Variants in GRIK4 observed in about 807,000 individuals in gnomAD.
GRIK4 encodes the protein glutamate ionotropic receptor kainate type subunit 4.
Under a neutral mutation model 104.9 loss-of-function variants are expected in GRIK4, and 40 were observed. That is an observed-to-expected ratio of 0.38 (90% CI 0.30 to 0.50). The LOEUF (loss-of-function observed/expected upper bound fraction) is 0.50, where lower values mean the gene tolerates loss of function less well. Among genes scored for constraint, GRIK4 ranks in the 20% least tolerant of loss-of-function variants. The pLI is 0.93. For missense variants in GRIK4, 1,047 were observed against 1,308.1 expected, an observed-to-expected ratio of 0.80 and a Z score of 3.08; for synonymous variants, 485 against 524.9, an observed-to-expected ratio of 0.92 and a Z score of 1.04.
At chr11:120,955,808 T>G (rs1236376212) in intron 15 of GRIK4, among the ~76,000 whole-genome samples, 54 of 145,994 alleles carry the variant, frequency 3.7e-4, no homozygotes, top group Admixed American at 3.7e-3. Context: ...AGCAGCAGCA[T>G]TCTTTTTTTT....
At chr11:120,749,814 G>T (rs1265957395) in intron 3 of GRIK4, among the ~76,000 whole-genome samples, 1 of 152,128 alleles carries the variant, frequency 6.6e-6, no homozygotes, top group African/African-American at 2.4e-5. Context: ...GCGGTGGGCG[G>T]GGGGAAGTTT....
At chr11:120,823,881 C>A (rs1301096651) in intron 6 of GRIK4, among the ~76,000 whole-genome samples, 1 of 152,184 alleles carries the variant, frequency 6.6e-6, no homozygotes, top group African/African-American at 2.4e-5. Flanking sequence ...GGACTCCAGT[C>A]CCCACCCTCC....
In GRIK4 at chr11:120,940,690, G is replaced by A. The variant is rs2134643720; in HGVS notation, c.1590+230G>A. ...AAAATTACTTCTGCCTCTCTGAATA[G>A]CGATGACCAAGAATGGTCATTCAAT... On this transcript the variant is annotated intron_variant, in intron 14 of 20. Transcript: ENST00000527524. The surrounding 1 kb of genome is among the most constrained non-coding windows in gnomAD (Gnocchi z 4.3). 6.6e-6 allele frequency among the ~76,000 whole-genome samples: 1 copy of A among 152,278 alleles called. No homozygotes were observed.
intron 18 of GRIK4, among the ~76,000 whole-genome samples, chr11:120,966,388 G>T (rs1316316318): frequency 2.0e-5 from 3 of 152,182 alleles, no homozygotes; most frequent in African/African-American, 7.2e-5. Flanking sequence ...ATTTATTTTT[G>T]AAACGGAGTC....
intron 3 of GRIK4, among the ~76,000 whole-genome samples, chr11:120,794,288 C>T (rs911039645): frequency 8.6e-5 from 12 of 139,494 alleles, no homozygotes; most frequent in African/African-American, 3.0e-4. Context: ...GAGAGCCAGG[C>T]GATGGTTGGA....
At chr11:120,789,234 G>A (rs1032377132) in intron 3 of GRIK4, among the ~76,000 whole-genome samples, 5 of 152,046 alleles carry the variant, frequency 3.3e-5, no homozygotes, top group East Asian at 3.9e-4. Flanking sequence ...AGTGCGCCCC[G>A]AACTTAATAA....
At chr11:120,954,817 ACACACACACACACAAAC>A (rs1944099781) in intron 15 of GRIK4, among the ~76,000 whole-genome samples, 1 of 79,550 alleles carries the variant, frequency 1.3e-5, no homozygotes, top group African/African-American at 7.1e-5. Context: ...ACACACACAC[ACACACACACACACAAAC>A]AATACTGGAG....
At chr11:120,894,317 C>G (rs962121589) in intron 11 of GRIK4, 1 of 152,166 alleles carries the variant, frequency 6.6e-6, no homozygotes, top group African/African-American at 2.4e-5. Context: ...GGTAACTTAC[C>G]CAAGTTCACG....
intron 1 of GRIK4, among the ~76,000 whole-genome samples, chr11:120,592,393 C>T (rs1474970811): frequency 6.6e-6 from 1 of 152,148 alleles, no homozygotes; most frequent in East Asian, 1.9e-4. Flanking sequence ...CGTGATTGTA[C>T]CTGTTTTTCT....
chr11:120,622,921 G>A (rs1351572382), intron 1 of GRIK4, among the ~76,000 whole-genome samples: 1 of 152,186 alleles, frequency 6.6e-6, no homozygotes, highest in African/African-American at 2.4e-5. Flanking sequence ...CTCCTCTCAG[G>A]ATCCTTTGAC....
chr11:120,976,923 T>C (rs1387083930), intron 19 of GRIK4, among the ~76,000 whole-genome samples: 1 of 152,140 alleles, frequency 6.6e-6, no homozygotes, highest in African/African-American at 2.4e-5. Context: ...AGGACATGAG[T>C]GTACCTGAAT....
chr11:120,732,365 C>G (rs761901236), intron 3 of GRIK4, among the ~76,000 whole-genome samples: 20 of 152,136 alleles, frequency 1.3e-4, no homozygotes, highest in Non-Finnish European at 2.1e-4. Context: ...TAACTCCTGA[C>G]CTTGTGATCT....
intron 6 of GRIK4, among the ~76,000 whole-genome samples, chr11:120,821,263 G>C (rs1447257974): frequency 6.6e-6 from 1 of 152,250 alleles, no homozygotes; most frequent in Non-Finnish European, 1.5e-5. Context: ...CAGGGTGCTA[G>C]ATAGGCTTTG....
intron 13 of GRIK4, among the ~76,000 whole-genome samples, chr11:120,933,985 A>G (rs957414988): frequency 6.6e-6 from 1 of 152,114 alleles, no homozygotes; most frequent in Non-Finnish European, 1.5e-5. Context: ...CGGGTGGATC[A>G]CGAGGTCAGG....
At chr11:120,900,241 T>C (rs1942695477) in intron 12 of GRIK4, among the ~76,000 whole-genome samples, 1 of 152,126 alleles carries the variant, frequency 6.6e-6, no homozygotes, top group East Asian at 1.9e-4. Context: ...GGTACAGGTT[T>C]TCCTGAGAAA....
chr11:120,897,792 A>C (rs1334340738), intron 11 of GRIK4, among the ~76,000 whole-genome samples: 2 of 151,838 alleles, frequency 1.3e-5, no homozygotes. Context: ...GGTTTCTATT[A>C]TTATCCCCAT....
chr11:120,749,936 A>G (rs1951517607), intron 3 of GRIK4, among the ~76,000 whole-genome samples: 1 of 152,220 alleles, frequency 6.6e-6, no homozygotes, highest in Non-Finnish European at 1.5e-5. Context: ...TATGTATGCA[A>G]GAACCATTTG....
chr11:120,635,945 C>T (rs986612446), intron 1 of GRIK4, among the ~76,000 whole-genome samples: 8 of 152,202 alleles, frequency 5.3e-5, no homozygotes, highest in African/African-American at 1.9e-4. Context: ...GCCACTGTGA[C>T]CCCCAAGGCA....
At chr11:120,692,971 A>G (rs537992830) in intron 3 of GRIK4, among the ~76,000 whole-genome samples, 1 of 152,130 alleles carries the variant, frequency 6.6e-6, no homozygotes, top group East Asian at 1.9e-4. Context: ...ATCTCAGGTC[A>G]TCCACCCACC....
Sources: gnomAD v4.1 joint callset for allele counts (sites outside exome capture counted in the v4.1 genomes callset) on GRCh38, gnomAD v4.1.1 for gene constraint, Gnocchi (gnomAD v3.1) non-coding constraint, MANE v1.5 for transcripts, NCBI Gene and HGNC (gene_info 2026-07-23, HGNC 2026-07-21) for gene names.